The following VDAC1 variants were observed in gnomAD, a reference collection of about 807,000 sequenced individuals.
VDAC1 encodes the protein voltage dependent anion channel 1.
In VDAC1, 10 loss-of-function variants were observed where a neutral mutation model predicts 34.7. The ratio of observed to expected loss-of-function variants is 0.29; its 90% CI spans 0.18 to 0.49. The LOEUF (loss-of-function observed/expected upper bound fraction) is 0.49. Among genes scored for constraint, VDAC1 ranks in the 20% least tolerant of loss-of-function variants. The pLI is 0.99. For synonymous variants in VDAC1, 130 were observed against 136.0 expected (o/e 0.96, Z 0.30); for missense variants, 230 against 347.9 (o/e 0.66, Z 2.69).
upstream of VDAC1, among the ~76,000 whole-genome samples, chr5:134,006,533 A>G (rs1339839117): frequency 2.0e-5 from 3 of 152,224 alleles, no homozygotes; most frequent in Middle Eastern, 3.4e-3. Flanking sequence ...ACTTGAGGCC[A>G]GGACTTCGAG....
chr5:134,000,396 G>A lies in VDAC1; in HGVS notation c.-7+4499C>T, dbSNP rs369189188. ...TTCCATGCTGAGCTCCTGGGCTCAA[G>A]AGGTTGCTGACTCAGGGCAGCCTGC... is the stretch of plus-strand genomic sequence containing the variant. On this transcript the variant is annotated intron_variant, in intron 1 of 8. Coordinates refer to ENST00000265333, the MANE Select transcript of VDAC1 (RefSeq NM_003374.3). Among the ~76,000 whole-genome samples, 863 of 152,306 alleles carry A rather than the reference G, an allele frequency of 5.7e-3. 5 individuals carry two copies. Among genetic ancestry groups the A allele is most frequent in the African/African-American group, 0.018 (761 of 41,560 alleles).
At chr5:134,020,738 G>A in the VDAC1 span, among the ~76,000 whole-genome samples, 2 of 151,936 alleles carry the variant, frequency 1.3e-5, no homozygotes, top group Non-Finnish European at 2.9e-5. Context: ...GTGCAGTGGC[G>A]CGATCTCGGC....
the VDAC1 span, among the ~76,000 whole-genome samples, chr5:134,108,392 G>C: frequency 6.6e-6 from 1 of 152,192 alleles, no homozygotes; most frequent in Admixed American, 6.5e-5. Flanking sequence ...CAAGAAGTGA[G>C]AATCCATTTG....
chr5:134,020,359 C>A, the VDAC1 span, among the ~76,000 whole-genome samples: 2 of 151,890 alleles, frequency 1.3e-5, no homozygotes, highest in Non-Finnish European at 2.9e-5. Flanking sequence ...CTCCCCAGCT[C>A]CTGTTTACCC....
At chr5:134,074,724 C>G in the VDAC1 span, among the ~76,000 whole-genome samples, 10 of 152,212 alleles carry the variant, frequency 6.6e-5, no homozygotes, top group Non-Finnish European at 1.5e-4. Flanking sequence ...TTCCCAATAG[C>G]ACTTAGAGTT....
At chr5:134,083,275 G>T in the VDAC1 span, among the ~76,000 whole-genome samples, 3 of 147,030 alleles carry the variant, frequency 2.0e-5, no homozygotes, top group Non-Finnish European at 4.4e-5. Context: ...TGCAACTTCC[G>T]CCTCCTGGGT....
the VDAC1 span, among the ~76,000 whole-genome samples, chr5:134,069,011 T>TGTGTGTGTGTGTGTGTG: frequency 2.8e-5 from 3 of 107,968 alleles, no homozygotes; most frequent in African/African-American, 6.9e-5. Flanking sequence ...TGTGTGTGTG[T>TGTGTGTGTGTGTGTGTG]TCACGTGCGC....
the VDAC1 span, among the ~76,000 whole-genome samples, chr5:134,046,046 G>A: frequency 6.8e-6 from 1 of 146,456 alleles, no homozygotes; most frequent in South Asian, 2.2e-4. Context: ...TTATTTTTGA[G>A]ATGGAGTCTC....
At chr5:134,010,487 A>G in the VDAC1 span, among the ~76,000 whole-genome samples, 2 of 152,006 alleles carry the variant, frequency 1.3e-5, no homozygotes, top group Non-Finnish European at 2.9e-5. Context: ...AATCCCAGCT[A>G]CTCGGGAGGC....
chr5:134,043,953 G>A, the VDAC1 span, among the ~76,000 whole-genome samples: 30 of 152,084 alleles, frequency 2.0e-4, no homozygotes, highest in African/African-American at 7.0e-4. Flanking sequence ...GCCCTGACAG[G>A]TAGGTGCCCT....
chr5:134,105,164 G>A, the VDAC1 span, among the ~76,000 whole-genome samples: 2 of 152,152 alleles, frequency 1.3e-5, no homozygotes, highest in African/African-American at 4.8e-5. Context: ...TCCACCAGAA[G>A]CTCTGCAGCC....
chr5:134,098,331 G>A, the VDAC1 span, among the ~76,000 whole-genome samples: 6 of 145,116 alleles, frequency 4.1e-5, no homozygotes, highest in African/African-American at 1.7e-4. Context: ...CCAAATAGCT[G>A]GGATTACAGG....
the VDAC1 span, among the ~76,000 whole-genome samples, chr5:134,085,739 AAAAAAAAAAAAAAAT>A: frequency 1.3e-5 from 2 of 149,020 alleles, no homozygotes; most frequent in African/African-American, 4.9e-5. Flanking sequence ...AAAAAAAAAA[AAAAAAAAAAAAAAAT>A]TTCATTAGCT....
chr5:134,077,861 T>C, the VDAC1 span, among the ~76,000 whole-genome samples: 1 of 152,216 alleles, frequency 6.6e-6, no homozygotes, highest in Non-Finnish European at 1.5e-5. Context: ...TCAGCTCTCC[T>C]ACTAAAGCCA....
chr5:134,007,042 G>C (rs1231333479), upstream of VDAC1, among the ~76,000 whole-genome samples: 1 of 151,790 alleles, frequency 6.6e-6, no homozygotes, highest in Non-Finnish European at 1.5e-5. Context: ...TCGGGAGTTC[G>C]AGACCAGCCT....
chr5:134,047,846 C>G, the VDAC1 span, among the ~76,000 whole-genome samples: 1 of 152,116 alleles, frequency 6.6e-6, no homozygotes, highest in African/African-American at 2.4e-5. Context: ...CAGTTCACCA[C>G]AGTGCCCTGC....
At chr5:133,994,938 C>T (rs2126990200) in intron 1 of VDAC1, among the ~76,000 whole-genome samples, 1 of 152,290 alleles carries the variant, frequency 6.6e-6, no homozygotes, top group South Asian at 2.1e-4. Flanking sequence ...CCCCACGACT[C>T]TCCCCTGACC....
At chr5:134,006,437 A>T (rs1409103235), upstream of VDAC1, among the ~76,000 whole-genome samples, 1 of 151,728 alleles carries the variant, frequency 6.6e-6, no homozygotes, top group Non-Finnish European at 1.5e-5. Context: ...CCACCTCTCA[A>T]CTCCGCTTTA....
chr5:134,085,723 A>G, the VDAC1 span, among the ~76,000 whole-genome samples: 33 of 48,930 alleles, frequency 6.7e-4, no homozygotes, highest in East Asian at 2.7e-3. Flanking sequence ...CCCCATTTCT[A>G]AAAAAAAAAA....
Sources: allele counts gnomAD v4.1 joint callset (sites outside exome capture counted in the v4.1 genomes callset), GRCh38; gene constraint gnomAD v4.1.1; transcripts MANE v1.5; gene names NCBI Gene and HGNC (gene_info 2026-07-23, HGNC 2026-07-21).